The following SBF2 variants were observed in gnomAD, a reference collection of about 807,000 sequenced individuals.
SBF2 encodes myotubularin-related protein 13.
In SBF2, 112 loss-of-function variants were observed where a neutral mutation model predicts 225.2. The ratio of observed to expected loss-of-function variants is 0.50; its 90% confidence interval spans 0.43 to 0.58. SBF2 has a LOEUF of 0.58. Among genes scored for constraint, SBF2 ranks in the 20% least tolerant of loss-of-function variants. The probability of loss-of-function intolerance (pLI) is 0.00; values close to 1 mark genes in which losing one functional copy is unlikely to be tolerated. For missense variants in SBF2, 1,996 were observed against 2,206.2 expected, an observed-to-expected ratio of 0.90 and a Z score of 1.91; for synonymous variants, 763 against 773.3, an observed-to-expected ratio of 0.99 and a Z score of 0.22.
chr11:10,266,467 T>C (rs1362827581), intron 1 of SBF2, among the ~76,000 whole-genome samples: 1 of 152,238 alleles, frequency 6.6e-6, no homozygotes. Flanking sequence ...CCTCTGCTAC[T>C]GACACTGTTT....
chr11:9,791,761 T>C (rs1032550), intron 33 of SBF2, among the ~76,000 whole-genome samples: 44,586 of 152,126 alleles, frequency 0.29, 6,678 homozygotes, highest in Middle Eastern at 0.42. Context: ...TTTGGCGCCT[T>C]GAGGCATGGA....
At chr11:9,783,619 T>C (rs1169974572) in intron 38 of SBF2, among the ~76,000 whole-genome samples, 2 of 152,184 alleles carry the variant, frequency 1.3e-5, no homozygotes, top group Non-Finnish European at 2.9e-5. Context: ...TTGAAATCAC[T>C]GGAGTAAAGA....
chr11:9,918,575 T>C (rs576812503), intron 16 of SBF2, among the ~76,000 whole-genome samples: 3 of 152,114 alleles, frequency 2.0e-5, no homozygotes, highest in Non-Finnish European at 4.4e-5. Flanking sequence ...TTTTGCCATG[T>C]TGCACAGACT....
intron 2 of SBF2, among the ~76,000 whole-genome samples, chr11:10,101,347 G>A (rs935167010): frequency 6.6e-6 from 1 of 152,198 alleles, no homozygotes; most frequent in African/African-American, 2.4e-5. Flanking sequence ...GTTGACTAGT[G>A]TCTGTTTTGT....
At chr11:10,254,385 GAA>G (rs560534059) in intron 1 of SBF2, among the ~76,000 whole-genome samples, 6 of 82,318 alleles carry the variant, frequency 7.3e-5, no homozygotes, top group African/African-American at 1.4e-4. Context: ...TGTCTCAAAA[GAA>G]AAAAAAAAAA....
In SBF2 at chr11:10,086,896, A is replaced by T. The variant is rs1951586351; in HGVS notation, c.142-43915T>A. Among the ~76,000 whole-genome samples, 4 of 152,330 alleles carry T rather than the reference A, an allele frequency of 2.6e-5. No individual in the cohort carries two copies. The South Asian group carries it at 8.3e-4, about 32-fold the overall frequency. ...GACTGTGGTAAACACTAAACTAGGT[A>T]TAAACAGTGAATTAAGACCACCCTC... On this transcript the variant is annotated intron_variant, in intron 2 of 39. Transcript: ENST00000256190.
chr11:10,066,793 A>G, intron 2 of SBF2, among the ~76,000 whole-genome samples: 1 of 152,204 alleles, frequency 6.6e-6, no homozygotes, highest in Non-Finnish European at 1.5e-5. Context: ...AAAAAAAGGA[A>G]GGAACCCGAT....
chr11:9,957,395 C>T (rs1301924598), intron 16 of SBF2: 2 of 152,148 alleles, frequency 1.3e-5, no homozygotes, highest in African/African-American at 2.4e-5. Context: ...TATCCCGTGA[C>T]CTGTATGTTG....
At position 10,280,154 on chromosome 11, in the gene SBF2, A is replaced by G. The variant is rs192567223; in HGVS notation, c.55+13861T>C. On this transcript the variant is annotated intron_variant, in intron 1 of 39. Coordinates refer to ENST00000256190, the MANE Select transcript of SBF2 (RefSeq NM_030962.4). Reference sequence around the variant, plus strand: ...CCTTTGAATGTCATATCAGTGCTCAAAAAGTTTCAGATTTCAGAGTATTTC... The same window carrying G: ...CCTTTGAATGTCATATCAGTGCTCAGAAAGTTTCAGATTTCAGAGTATTTC... Among the ~76,000 whole-genome samples the G allele has an allele frequency of 2.5e-3, 215 of 86,690 alleles. 1 individual carries two copies. The highest frequency in any genetic ancestry group is 0.024 in the Admixed American group (198 of 8,262). The allele number at this position is 86,690 out of a possible 152,430, so 56.9% of individuals were successfully genotyped here.
At chr11:10,164,365 C>T (rs74521608) in intron 2 of SBF2, among the ~76,000 whole-genome samples, 1,619 of 152,246 alleles carry the variant, frequency 0.011, 35 homozygotes, top group African/African-American at 0.037. Context: ...TATATATTAA[C>T]TCTTCCTTCC....
chr11:9,896,466 TA>T (rs1363568826), intron 16 of SBF2, among the ~76,000 whole-genome samples: 1 of 152,164 alleles, frequency 6.6e-6, no homozygotes, highest in Non-Finnish European at 1.5e-5. Context: ...TGACTGGAGA[TA>T]TTTTTTTCTT....
chr11:9,845,005 T>A (rs1435786735), intron 24 of SBF2, among the ~76,000 whole-genome samples: 1 of 152,136 alleles, frequency 6.6e-6, no homozygotes, highest in Non-Finnish European at 1.5e-5. Context: ...TAAAGGGACA[T>A]CTTATATCTA....
At chr11:10,279,090 A>C in intron 1 of SBF2, among the ~76,000 whole-genome samples, 1 of 130,428 alleles carries the variant, frequency 7.7e-6, no homozygotes, top group East Asian at 2.6e-4. Flanking sequence ...CAACAGAACA[A>C]GACCCGGTCT....
intron 1 of SBF2, among the ~76,000 whole-genome samples, chr11:10,209,573 T>C (rs189270672): frequency 2.0e-5 from 3 of 152,196 alleles, no homozygotes; most frequent in South Asian, 2.1e-4. Flanking sequence ...TTGTAACAGA[T>C]AGAGTATTTC....
At chr11:9,914,908 G>C (rs550251690) in intron 16 of SBF2, among the ~76,000 whole-genome samples, 2 of 114,204 alleles carry the variant, frequency 1.8e-5, no homozygotes, top group African/African-American at 3.7e-5. Context: ...TGTTTATAGT[G>C]GGGGGGGCTA....
At chr11:9,865,898 G>A (rs1444669102) in intron 17 of SBF2, among the ~76,000 whole-genome samples, 2 of 152,118 alleles carry the variant, frequency 1.3e-5, no homozygotes. Flanking sequence ...TGAATATACA[G>A]CATTTTCTTG....
chr11:10,116,475 C>T (rs1294932262), intron 2 of SBF2, among the ~76,000 whole-genome samples: 1 of 152,152 alleles, frequency 6.6e-6, no homozygotes, highest in Non-Finnish European at 1.5e-5. Context: ...AAGATACTCT[C>T]TTCTAAATTT....
intron 3 of SBF2, among the ~76,000 whole-genome samples, chr11:10,034,565 A>G (rs892368327): frequency 2.6e-5 from 4 of 152,150 alleles, no homozygotes; most frequent in Non-Finnish European, 5.9e-5. Flanking sequence ...TTTATCCTTA[A>G]AGAACTGTTG....
rs939228825 is a variant in SBF2, at chr11:10,117,909, A to G, written c.142-74928T>C. ...AACAAAGAATGTGATACTTTTGGTCAAAAGTTCTTTCTCTGGAATTCATGA... is the reference window on the plus strand; with the variant it reads ...AACAAAGAATGTGATACTTTTGGTCGAAAGTTCTTTCTCTGGAATTCATGA... On this transcript the variant is annotated intron_variant, in intron 2 of 39. Transcript: ENST00000256190. Among the ~76,000 whole-genome samples the G allele has an allele frequency of 3.3e-5, 5 of 152,292 alleles. No individual in the cohort carries two copies. The East Asian group carries it at 7.7e-4, about 24-fold the overall frequency.
Sources: allele counts gnomAD v4.1 joint callset (sites outside exome capture counted in the v4.1 genomes callset), GRCh38; gene constraint gnomAD v4.1.1; transcripts MANE v1.5; gene names NCBI Gene and HGNC (gene_info 2026-07-23, HGNC 2026-07-21).